Variants in ZGPAT observed in about 807,000 individuals in gnomAD.
ZGPAT encodes the protein zinc finger CCCH-type and G-patch domain containing.
ZGPAT carries 39 observed loss-of-function variants against 47.9 expected under a neutral mutation model. That is an observed-to-expected ratio of 0.81 (90% CI 0.63 to 1.06). The LOEUF (loss-of-function observed/expected upper bound fraction) is 1.06, where lower values mean the gene tolerates loss of function less well. Among genes scored for constraint, ZGPAT ranks in the 50% least tolerant of loss-of-function variants. The probability of loss-of-function intolerance (pLI) is 0.00; values close to 1 mark genes in which losing one functional copy is unlikely to be tolerated. For synonymous variants in ZGPAT, 348 were observed against 292.9 expected (o/e 1.19, Z -1.92); for missense variants, 717 against 681.4 (o/e 1.05, Z -0.58).
At chr20:63,730,964 CTCTCTCTGTGTG>C (rs1315584487) in intron 2 of ZGPAT, among the ~76,000 whole-genome samples, 249 of 87,524 alleles carry the variant, frequency 2.8e-3, no homozygotes, top group African/African-American at 0.014. Flanking sequence ...CTCTCTCTCT[CTCTCTCTGTGTG>C]TGTGTGTGTG....
chr20:63,710,320 T>C (rs998453381), intron 2 of ZGPAT, among the ~76,000 whole-genome samples: 2 of 151,300 alleles, frequency 1.3e-5, no homozygotes, highest in Non-Finnish European at 2.9e-5. Context: ...ACTGGGCTAA[T>C]TTTTTGTATT....
At chr20:63,715,829 T>C (rs1215777429) in intron 2 of ZGPAT, among the ~76,000 whole-genome samples, 2 of 137,072 alleles carry the variant, frequency 1.5e-5, no homozygotes, top group Non-Finnish European at 3.2e-5. Flanking sequence ...TATACAATCA[T>C]ATATAGAGAG....
intron 2 of ZGPAT, among the ~76,000 whole-genome samples, chr20:63,709,663 C>T (rs1044680344): frequency 2.0e-5 from 3 of 151,686 alleles, no homozygotes; most frequent in Admixed American, 6.6e-5. Context: ...AGCCTATCGT[C>T]AGTTTTTTTT....
At chr20:63,727,035 C>T (rs535479850) in intron 2 of ZGPAT, among the ~76,000 whole-genome samples, 3 of 152,162 alleles carry the variant, frequency 2.0e-5, no homozygotes, top group African/African-American at 7.2e-5. Context: ...TACATTAGGG[C>T]TAACTCTTGG....
chr20:63,718,795 G>A (rs1036446468), intron 2 of ZGPAT, among the ~76,000 whole-genome samples: 7 of 151,864 alleles, frequency 4.6e-5, no homozygotes, highest in African/African-American at 9.7e-5. Context: ...GGCTGGGCAC[G>A]GTGGCTCACG....
chr20:63,724,430 C>A (rs1297181279), intron 2 of ZGPAT, among the ~76,000 whole-genome samples: 3 of 151,418 alleles, frequency 2.0e-5, no homozygotes, highest in African/African-American at 7.3e-5. Context: ...GCCTGTAATC[C>A]CAAAGCCTTG....
rs148648823 is a variant in ZGPAT, at chr20:63,729,410, C to G, written c.585-3809C>G. ...TTTAGTTTTAGATGTTGTTTGTTTTCAGGGTTAAGTCTTTACTAATTCTGG... is the reference window on the plus strand; with the variant it reads ...TTTAGTTTTAGATGTTGTTTGTTTTGAGGGTTAAGTCTTTACTAATTCTGG... On this transcript the variant is annotated intron_variant, in intron 2 of 6. Coordinates refer to ENST00000355969, the MANE Select transcript of ZGPAT (RefSeq NM_181485.3). 4.0e-3 allele frequency among the ~76,000 whole-genome samples: 616 copies of G among 152,308 alleles called. 4 individuals carry two copies. Among genetic ancestry groups the G allele is most frequent in the African/African-American group, 0.013 (530 of 41,572 alleles).
At chr20:63,734,610 T>C in intron 4 of ZGPAT, 95 bp from the exon 5 acceptor site, 1 of 1,560,362 alleles carries the variant, frequency 6.4e-7, no homozygotes, top group South Asian at 1.2e-5. Context: ...TCCTCTGGCC[T>C]GGCTGGGCCA....
intron 2 of ZGPAT, among the ~76,000 whole-genome samples, chr20:63,726,204 AT>A (rs35108552): frequency 6.8e-6 from 1 of 146,198 alleles, no homozygotes; most frequent in Non-Finnish European, 1.5e-5. Context: ...CATCTAATTA[AT>A]TTTTTTTTTT....
At position 63,709,095 on chromosome 20, in the gene ZGPAT, C is replaced by G; in HGVS notation, c.515C>G (p.Pro172Arg). The part of the protein sequence containing the change: ...SAGVRVLYLY[P>R]THKSLKPCPF... ...GGTGTCCGTGTGCTTTACCTGTACC[C>G]CACTCACAAGTCTCTGAAGCCGTGC... The change falls in exon 2 of 7, where the codon CCC (proline) becomes CGC (arginine). Residue 172 changes from proline (P) to arginine (R), a missense_variant. By Grantham distance (103) the Pro-to-Arg change is moderately radical (BLOSUM62 -2). Transcript: ENST00000355969. The G allele has an allele frequency of 1.2e-6, 2 of 1,613,296 alleles. No individual in the cohort carries two copies. The highest frequency in any genetic ancestry group is 1.7e-6 in the Non-Finnish European group (2 of 1,180,030).
In ZGPAT at chr20:63,727,431, G is replaced by A. The variant is rs142351502; in HGVS notation, c.585-5788G>A. On this transcript the variant is annotated intron_variant, in intron 2 of 6. Coordinates refer to ENST00000355969, the MANE Select transcript of ZGPAT (RefSeq NM_181485.3). ...TAATTTTTGTATTTTTAGTAGAGAC[G>A]GGGTTTCTCAATATTGGTCAGGCTG... Among the ~76,000 whole-genome samples the A allele has an allele frequency of 1.2e-3, 183 of 151,714 alleles. No homozygotes were observed. In the East Asian group the frequency reaches 0.014, roughly 11 times the overall value.
At chr20:63,731,134 GCTGTGGC>G (rs1303606984) in intron 2 of ZGPAT, among the ~76,000 whole-genome samples, 1 of 152,190 alleles carries the variant, frequency 6.6e-6, no homozygotes, top group Admixed American at 6.5e-5. Context: ...ATGCACTGGT[GCTGTGGC>G]CTGTGCAGTA....
intron 2 of ZGPAT, among the ~76,000 whole-genome samples, chr20:63,732,527 G>C (rs944713302): frequency 6.6e-6 from 1 of 152,072 alleles, no homozygotes; most frequent in Non-Finnish European, 1.5e-5. Context: ...GTGTGGGTGA[G>C]ATGGCGTGTG....
chr20:63,731,132 G>A (rs1310691114), intron 2 of ZGPAT, among the ~76,000 whole-genome samples: 4 of 152,178 alleles, frequency 2.6e-5, no homozygotes, highest in Admixed American at 2.6e-4. Context: ...TGATGCACTG[G>A]TGCTGTGGCC....
intron 4 of ZGPAT, 182 bp from the exon 5 acceptor site, chr20:63,734,523 G>A (rs191835395): frequency 9.9e-6 from 12 of 1,207,248 alleles, no homozygotes; most frequent in East Asian, 2.4e-5. Flanking sequence ...ACGAGAGCAC[G>A]GAGCCCAAGA....
chr20:63,721,274 C>T (rs1291213), intron 2 of ZGPAT, among the ~76,000 whole-genome samples: 28,852 of 151,694 alleles, frequency 0.19, 3,707 homozygotes, highest in East Asian at 0.61. Context: ...ATCGCTTCAA[C>T]CCAGGGGGCG....
In ZGPAT at chr20:63,709,182, C is replaced by G; in HGVS notation, c.584+18C>G. ...AACTGCAGGTAAAGCCCTTTGTTGT[C>G]AGATGCCAACCTTAGGGGCGTAAGG... On this transcript the variant is annotated intron_variant, in intron 2 of 6. Coordinates refer to ENST00000355969, the MANE Select transcript of ZGPAT (RefSeq NM_181485.3). The G allele has an allele frequency of 1.2e-6, 2 of 1,604,754 alleles. No homozygotes were observed. Among genetic ancestry groups the G allele is most frequent in the Non-Finnish European group, 1.7e-6 (2 of 1,179,882 alleles).
At chr20:63,732,726 ATG>A (rs376552544) in intron 2 of ZGPAT, among the ~76,000 whole-genome samples, 4 of 148,936 alleles carry the variant, frequency 2.7e-5, no homozygotes, top group South Asian at 2.1e-4. Context: ...GTATGTGTAT[ATG>A]TGTATGTCTG....
intron 2 of ZGPAT, among the ~76,000 whole-genome samples, chr20:63,720,755 G>A (rs1601328040): frequency 6.6e-6 from 1 of 152,138 alleles, no homozygotes; most frequent in Non-Finnish European, 1.5e-5. Context: ...CACCCGGCCT[G>A]TTAATTTCTT....
Sources: gnomAD v4.1 joint callset for allele counts (sites outside exome capture counted in the v4.1 genomes callset) on GRCh38, gnomAD v4.1.1 for gene constraint, MANE v1.5 for transcripts, NCBI Gene and HGNC (gene_info 2026-07-23, HGNC 2026-07-21) for gene names.